USP34: variants seen among roughly 807,000 people sequenced by gnomAD.
USP34 encodes ubiquitin specific peptidase 34, also known as ubiquitin carboxyl-terminal hydrolase 34.
A neutral mutation model predicts 460.3 loss-of-function variants in USP34; 70 were observed. The observed-to-expected ratio is 0.15, with a 90% CI of 0.13 to 0.19. USP34 has a LOEUF of 0.19. Among genes scored for constraint, USP34 ranks in the 10% least tolerant of loss-of-function variants. USP34 has a pLI of 1.00. For synonymous variants in USP34, 1,647 were observed against 1,405.3 expected (o/e 1.17, Z -3.85); for missense variants, 3,985 against 4,236.2 (o/e 0.94, Z 1.65).
At chr2:61,259,541 C>A (rs531326899) in intron 44 of USP34, among the ~76,000 whole-genome samples, 170 bp downstream of exon 44, 2 of 143,192 alleles carry the variant, frequency 1.4e-5, no homozygotes, top group Admixed American at 1.4e-4. Context: ...GCACGCACCA[C>A]CATGCCTGGC....
chr2:61,311,811 T>A lies in USP34; in HGVS notation c.3642A>T (p.Val1214=). Reference sequence around the variant, plus strand: ...TGTCAGGAAGTCCAGCTGGCTGGCATACAACCCTTAGCGGCAGAGACTGTT... The same window carrying A: ...TGTCAGGAAGTCCAGCTGGCTGGCAAACAACCCTTAGCGGCAGAGACTGTT... ...SDKQSLPLRV[V]CQPAGLPDKM... The change falls in exon 26 of 80, where the codon GTA becomes GTT. Residue 1214 remains valine, a synonymous_variant. Transcript: ENST00000398571. The A allele has an allele frequency of 6.2e-7, 1 of 1,614,038 alleles. No individual in the cohort carries two copies. The highest frequency in any genetic ancestry group is 8.5e-7 in the Non-Finnish European group (1 of 1,179,956).
intron 50 of USP34, among the ~76,000 whole-genome samples, chr2:61,245,786 A>G (rs757058259): frequency 6.6e-6 from 1 of 152,166 alleles, no homozygotes; most frequent in Non-Finnish European, 1.5e-5. Context: ...CTTCAAATCA[A>G]TATCCCCAGC....
chr2:61,219,990 T>C (rs1328836000), intron 67 of USP34, among the ~76,000 whole-genome samples: 3 of 151,724 alleles, frequency 2.0e-5, no homozygotes, highest in Non-Finnish European at 4.4e-5. Flanking sequence ...TTTATTACCA[T>C]TTTATCCTTA....
At chr2:61,423,136 G>A (rs1694411151) in intron 1 of USP34, among the ~76,000 whole-genome samples, 2 of 152,150 alleles carry the variant, frequency 1.3e-5, no homozygotes, top group South Asian at 4.1e-4. Flanking sequence ...GGTTTTTTGA[G>A]ACAGTCTCAC....
intron 18 of USP34, among the ~76,000 whole-genome samples, chr2:61,335,897 T>G (rs1003898285): frequency 2.0e-5 from 3 of 152,242 alleles, no homozygotes; most frequent in Admixed American, 1.3e-4. Flanking sequence ...AACAGTGTGG[T>G]AGTCCTGTAA....
chr2:61,190,783 C>T, intron 76 of USP34, 125 bp from the exon 77 acceptor site: 3 of 1,219,594 alleles, frequency 2.5e-6, no homozygotes, highest in South Asian at 3.6e-5. Flanking sequence ...GAAAATCCTA[C>T]TTGAAAAGCC....
intron 75 of USP34, chr2:61,194,324 C>G: frequency 4.1e-6 from 4 of 984,182 alleles, no homozygotes; most frequent in Non-Finnish European, 4.8e-6. Context: ...TCACCACACA[C>G]ATAGGTAAAC....
At chr2:61,351,567 C>T (rs1358996943) in intron 10 of USP34, among the ~76,000 whole-genome samples, 1 of 152,000 alleles carries the variant, frequency 6.6e-6, no homozygotes, top group African/African-American at 2.4e-5. Flanking sequence ...CTGTCAAATG[C>T]AAAGTTTCCT....
intron 1 of USP34, among the ~76,000 whole-genome samples, chr2:61,450,692 G>C (rs1473534664): frequency 1.3e-5 from 2 of 151,758 alleles, no homozygotes; most frequent in Non-Finnish European, 2.9e-5. Flanking sequence ...ATATCCAGGA[G>C]TACATGTAAA....
At chr2:61,388,812 G>A (rs1443453084) in intron 5 of USP34, among the ~76,000 whole-genome samples, 1 of 151,574 alleles carries the variant, frequency 6.6e-6, no homozygotes, top group African/African-American at 2.4e-5. Flanking sequence ...CAAACACCCT[G>A]ATAAGACATT....
At chr2:61,242,044 G>C (rs952644639) in intron 51 of USP34, among the ~76,000 whole-genome samples, 4 of 151,692 alleles carry the variant, frequency 2.6e-5, no homozygotes, top group African/African-American at 9.7e-5. Flanking sequence ...TTTAGATAGA[G>C]AACACTATAA....
chr2:61,273,813 A>G (rs1689291252), intron 41 of USP34, among the ~76,000 whole-genome samples: 3 of 152,326 alleles, frequency 2.0e-5, no homozygotes, highest in South Asian at 4.1e-4. Context: ...GATGAAACAG[A>G]AAGTCCAGAA....
chr2:61,430,907 G>A (rs986141151), intron 1 of USP34, among the ~76,000 whole-genome samples: 1 of 152,172 alleles, frequency 6.6e-6, no homozygotes, highest in East Asian at 1.9e-4. Flanking sequence ...GGGAGGCTGA[G>A]AAGAGAGGAT....
At position 61,378,351 on chromosome 2, in the gene USP34, G is replaced by A; in HGVS notation, c.1076+12C>T. On this transcript the variant is annotated intron_variant, in intron 8 of 79. Transcript: ENST00000398571. The stretch of plus-strand genomic sequence containing the variant: ...ATGGTATACTTATATATAAATTAAT[G>A]CTCCTACTTACGTTTCTGTGTCCGA... 6.4e-7 allele frequency: 1 copy of A among 1,552,882 alleles called. No homozygotes were observed. Among genetic ancestry groups the A allele is most frequent in the Non-Finnish European group, 8.7e-7 (1 of 1,143,072 alleles).
At chr2:61,466,473 T>C (rs1695765632) in intron 1 of USP34, among the ~76,000 whole-genome samples, 2 of 152,140 alleles carry the variant, frequency 1.3e-5, no homozygotes. Context: ...AGGAGGATAC[T>C]GAATGTTCCC....
At chr2:61,256,188 T>C (rs1688719742) in intron 48 of USP34, among the ~76,000 whole-genome samples, 196 bp downstream of exon 48, 1 of 152,196 alleles carries the variant, frequency 6.6e-6, no homozygotes, top group South Asian at 2.1e-4. Context: ...ACCACTTTCA[T>C]ACAGCTCAGT....
At chr2:61,277,079 G>T (rs1689393810) in intron 41 of USP34, among the ~76,000 whole-genome samples, 1 of 152,110 alleles carries the variant, frequency 6.6e-6, no homozygotes, top group Admixed American at 6.5e-5. Context: ...CCAATATTCA[G>T]AGATAGATTT....
chr2:61,460,555 G>A (rs935135615), intron 1 of USP34, among the ~76,000 whole-genome samples: 58 of 152,162 alleles, frequency 3.8e-4, no homozygotes, highest in African/African-American at 1.2e-3. Context: ...AAAAAAAACA[G>A]TATATAGGGT....
chr2:61,258,743 T>C (rs1338762784), intron 44 of USP34, among the ~76,000 whole-genome samples: 1 of 152,162 alleles, frequency 6.6e-6, no homozygotes, highest in Non-Finnish European at 1.5e-5. Flanking sequence ...GGGAATAATA[T>C]TGTAAGATTT....
Sources: allele counts gnomAD v4.1 joint callset (sites outside exome capture counted in the v4.1 genomes callset), GRCh38; gene constraint gnomAD v4.1.1; transcripts MANE v1.5; gene names NCBI Gene and HGNC (gene_info 2026-07-23, HGNC 2026-07-21).